Variants in ELF4 observed in about 807,000 individuals in gnomAD.
The protein encoded by ELF4 is ETS-related transcription factor Elf-4.
Under a neutral mutation model 31.7 loss-of-function variants are expected in ELF4, and 10 were observed. The observed-to-expected ratio is 0.32, with a 90% CI of 0.19 to 0.54. The LOEUF is 0.54. Among genes scored for constraint, ELF4 ranks in the 20% least tolerant of loss-of-function variants. ELF4 has a pLI of 0.95. For synonymous variants in ELF4, 208 were observed against 226.7 expected (o/e 0.92, Z 0.74); for missense variants, 418 against 522.0 (o/e 0.80, Z 1.94).
chrX:130,105,168 TC>T (rs1378537564), intron 1 of ELF4, among the ~76,000 whole-genome samples: 1 of 110,235 alleles, frequency 9.1e-6, no homozygotes, highest in African/African-American at 3.3e-5. Flanking sequence ...AGACTCTGCC[TC>T]AAATTAAAAA....
At position 130,069,577 on chromosome X, in the gene ELF4, C is replaced by T; in HGVS notation, c.910G>A (p.Asp304Asn). 1.7e-6 allele frequency: 2 copies of T among 1,210,853 alleles called. No individual in the cohort carries two copies. Among genetic ancestry groups the T allele is most frequent in the African/African-American group, 3.4e-5 (2 of 58,027 alleles). Residue 304 changes from aspartate (D) to asparagine (N), a missense_variant, in exon 8 of 9, where the codon GAT (aspartate) becomes AAT (asparagine). Transcript: ENST00000308167. Reference protein sequence around the residue: ...PKDLVVIEDEDESSEATAAPP... With the variant: ...PKDLVVIEDENESSEATAAPP... ...GCTGCTGTGGCTTCGCTGCTCTCAT[C>T]CTCATCTTCAATGACCACCAGGTCC...
At position 130,083,812 on chromosome X, in the gene ELF4, GTGGATGGCTGGA is replaced by G. The variant is rs1391619050; in HGVS notation, c.-209-2285_-209-2274del. Among the ~76,000 whole-genome samples the G allele has an allele frequency of 5.2e-4, 55 of 105,373 alleles. 1 individual carries two copies. Among genetic ancestry groups the G allele is most frequent in the Middle Eastern group, 5.0e-3 (1 of 202 alleles). The allele number at this position is 105,373 out of a possible 115,157, so 91.5% of individuals were successfully genotyped here. ...GATGAATGGGTGGATGGGTGGGTGGGTGGATGGCTGGATGGATGGCTGGATGGATGGATGGAT... is the reference window on the plus strand; with the variant it reads ...GATGAATGGGTGGATGGGTGGGTGGGTGGATGGCTGGATGGATGGATGGAT... On this transcript the variant is annotated intron_variant, in intron 1 of 8. Transcript: ENST00000308167.
intron 1 of ELF4, 92 bp downstream of exon 1, chrX:130,110,233 C>A (rs1459110374): frequency 9.0e-6 from 1 of 110,986 alleles, no homozygotes; most frequent in Non-Finnish European, 1.9e-5. Flanking sequence ...GGGCCCCCAG[C>A]CCCACGCCGG....
intron 1 of ELF4, among the ~76,000 whole-genome samples, chrX:130,107,973 C>G (rs1406856694): frequency 8.9e-6 from 1 of 112,375 alleles, no homozygotes; most frequent in Non-Finnish European, 1.9e-5. Flanking sequence ...CTTTGGGAGG[C>G]GGAGGCGGGT....
chrX:130,093,896 T>A (rs1437325273), intron 1 of ELF4, among the ~76,000 whole-genome samples: 1 of 112,288 alleles, frequency 8.9e-6, no homozygotes, highest in East Asian at 2.8e-4. Context: ...GGCCATATTC[T>A]TGTATCTTTG....
At chrX:130,076,680 C>G (rs1342550049) in intron 2 of ELF4, among the ~76,000 whole-genome samples, 2 of 112,216 alleles carry the variant, frequency 1.8e-5, no homozygotes, top group African/African-American at 6.5e-5. Flanking sequence ...ATCCACCCAC[C>G]TTGGCCTCCC....
intron 1 of ELF4, among the ~76,000 whole-genome samples, chrX:130,087,670 G>C (rs1196168055): frequency 9.0e-6 from 1 of 110,860 alleles, no homozygotes; most frequent in African/African-American, 3.3e-5. Context: ...GTTTCACCAT[G>C]TTAGCCAGGC....
At chrX:130,075,537 A>G (rs1932827354) in intron 2 of ELF4, among the ~76,000 whole-genome samples, 2 of 111,019 alleles carry the variant, frequency 1.8e-5, no homozygotes, top group South Asian at 7.5e-4. Flanking sequence ...CGGCCTCCCA[A>G]AGTGCTGGGA....
Position 130,082,557 on chromosome X carries a change from C to T in ELF4, c.-209-1018G>A, listed in dbSNP as rs184046009. ...CTGTGTCTGCCGCAGCCCAAACACA[C>T]CTCCTCTCGCCCCACGTGCCCTCAG... is the stretch of plus-strand genomic sequence containing the variant. On this transcript the variant is annotated intron_variant, in intron 1 of 8. Coordinates refer to ENST00000308167, the MANE Select transcript of ELF4 (RefSeq NM_001421.4). 6.8e-3 allele frequency among the ~76,000 whole-genome samples: 757 copies of T among 111,690 alleles called. 10 individuals carry two copies. Among genetic ancestry groups the T allele is most frequent in the African/African-American group, 0.023 (699 of 30,699 alleles).
intron 1 of ELF4, among the ~76,000 whole-genome samples, chrX:130,082,484 C>T (rs777523044): frequency 1.8e-5 from 2 of 112,154 alleles, no homozygotes; most frequent in African/African-American, 6.5e-5. Flanking sequence ...CAGGCGGAAC[C>T]TTCCCCATCC....
At position 130,081,443 on chromosome X, in the gene ELF4, A is replaced by T. The variant is rs73633969; in HGVS notation, c.-113T>A. On this transcript the variant is annotated 5_prime_UTR_variant, in exon 2 of 9. Coordinates refer to ENST00000308167, the MANE Select transcript of ELF4 (RefSeq NM_001421.4). ...TTTGGAGCCTAGAGCCTACCCCCTGAGCTGCAGTAAAATAGGGGGTGGAGA... is the reference window on the plus strand; with the variant it reads ...TTTGGAGCCTAGAGCCTACCCCCTGTGCTGCAGTAAAATAGGGGGTGGAGA... 8.0e-4 allele frequency: 634 copies of T among 793,837 alleles called. No homozygotes were observed. In the African/African-American group the frequency reaches 0.012, roughly 15 times the overall value. The allele number at this position is 793,837 out of a possible 1,213,427, so 65.4% of individuals were successfully genotyped here. A position where few individuals can be genotyped will look rare whatever the true frequency, so the allele number is the denominator to read the frequency against.
In ELF4 at chrX:130,071,128, G is replaced by C; in HGVS notation, c.721C>G (p.Leu241Val). The change falls in exon 7 of 9, where the codon CTG becomes GTG. Residue 241 changes from leucine (L) to valine (V), a missense_variant. Physicochemically the swap from Leu to Val is conservative, Grantham distance 32. Transcript: ENST00000308167. ...TTGGACACAGCTTTGGAGTCCACCA[G>C]TTTGAAGATGCCTTTCTCTCGCTGG... ...WTQREKGIFK[L>V]VDSKAVSKLW... 8.3e-7 allele frequency: 1 copy of C among 1,211,878 alleles called. No homozygotes were observed. Among genetic ancestry groups the C allele is most frequent in the Non-Finnish European group, 1.1e-6 (1 of 895,604 alleles).
intron 1 of ELF4, among the ~76,000 whole-genome samples, chrX:130,091,933 A>G (rs1029066963): frequency 1.8e-5 from 2 of 111,831 alleles, no homozygotes; most frequent in Non-Finnish European, 3.8e-5. Flanking sequence ...AGCTTACAGA[A>G]GGGTCCTCTG....
At chrX:130,101,005 G>A (rs779925840) in intron 1 of ELF4, among the ~76,000 whole-genome samples, 1 of 112,225 alleles carries the variant, frequency 8.9e-6, no homozygotes, top group Non-Finnish European at 1.9e-5. Context: ...CCTCTGTTAG[G>A]GACAAGATGT....
chrX:130,101,478 C>A (rs539224241), intron 1 of ELF4, among the ~76,000 whole-genome samples: 1 of 112,066 alleles, frequency 8.9e-6, no homozygotes, highest in African/African-American at 3.2e-5. Flanking sequence ...ACATAAGGAA[C>A]AAACATGATT....
At chrX:130,100,522 G>A (rs775573386) in intron 1 of ELF4, among the ~76,000 whole-genome samples, 1 of 111,703 alleles carries the variant, frequency 9.0e-6, no homozygotes, top group South Asian at 3.8e-4. Flanking sequence ...GCTCATTCAC[G>A]GAGTTTCTCA....
intron 1 of ELF4, among the ~76,000 whole-genome samples, chrX:130,106,579 A>G (rs1367916694): frequency 9.0e-6 from 1 of 111,569 alleles, no homozygotes; most frequent in African/African-American, 3.3e-5. Flanking sequence ...ATTTGCAGGC[A>G]GGTTGGTGTT....
Position 130,072,392 on chromosome X carries a change from G to A in ELF4, c.366C>T (p.Asp122=), listed in dbSNP as rs1932796213. 8.2e-7 allele frequency: 1 copy of A among 1,212,189 alleles called. No individual in the cohort carries two copies. The highest frequency in any genetic ancestry group is 1.8e-5 in the South Asian group (1 of 57,023). The change falls in exon 5 of 9, where the codon GAC becomes GAT. Residue 122 remains aspartate (D), a synonymous_variant. Coordinates refer to ENST00000308167, the MANE Select transcript of ELF4 (RefSeq NM_001421.4). ...QIFSTSEMLP[D]SDPAPAVTLP... is the part of the protein sequence containing the mutation. The stretch of plus-strand genomic sequence containing the variant: ...GAGTGACAGCTGGTGCAGGGTCCGA[G>A]TCTGGAAGCATTTCGGAGGTACTGA...
intron 2 of ELF4, among the ~76,000 whole-genome samples, chrX:130,078,779 A>T (rs1932859735): frequency 9.5e-6 from 1 of 105,037 alleles, no homozygotes; most frequent in African/African-American, 3.5e-5. Context: ...ACACACACAC[A>T]CACACACACA....
Sources: allele counts gnomAD v4.1 joint callset (sites outside exome capture counted in the v4.1 genomes callset), GRCh38; gene constraint gnomAD v4.1.1; transcripts MANE v1.5; gene names NCBI Gene and HGNC (gene_info 2026-07-23, HGNC 2026-07-21).